ARID2: variants seen among roughly 807,000 people sequenced by gnomAD.
ARID2 encodes the protein AT-rich interactive domain-containing protein 2.
ARID2 carries 32 observed loss-of-function variants against 184.6 expected under a neutral mutation model. That is an observed-to-expected ratio of 0.17 (90% CI 0.13 to 0.23). The LOEUF (loss-of-function observed/expected upper bound fraction) is 0.23, where lower values mean the gene tolerates loss of function less well. Ranked by LOEUF, ARID2 falls within the 10% of genes least tolerant of loss-of-function variation. The pLI, the probability that ARID2 is intolerant of heterozygous loss-of-function variation, is 1.00. For synonymous variants in ARID2, 836 were observed against 772.6 expected, an observed-to-expected ratio of 1.08 and a Z score of -1.36; for missense variants, 1,696 against 2,197.6, an observed-to-expected ratio of 0.77 and a Z score of 4.56.
intron 3 of ARID2, among the ~76,000 whole-genome samples, chr12:45,776,974 T>G (rs1941996161): frequency 6.6e-6 from 1 of 150,774 alleles, no homozygotes. Context: ...TTTTTTAAAG[T>G]AGAGATGGGG....
chr12:45,885,419 A>C (rs74810525), intron 16 of ARID2, among the ~76,000 whole-genome samples: 1 of 143,260 alleles, frequency 7.0e-6, no homozygotes, highest in African/African-American at 2.6e-5. Flanking sequence ...ATATTCCTGC[A>C]AAAAAAAAAA....
At chr12:45,732,496 G>A (rs1000354890) in intron 3 of ARID2, among the ~76,000 whole-genome samples, 1 of 152,190 alleles carries the variant, frequency 6.6e-6, no homozygotes, top group Non-Finnish European at 1.5e-5. Flanking sequence ...TCTATTGTGT[G>A]TGTGTGATGG....
intron 6 of ARID2, among the ~76,000 whole-genome samples, chr12:45,825,870 GA>G (rs370951452): frequency 8.9e-5 from 13 of 145,958 alleles, no homozygotes; most frequent in Admixed American, 2.1e-4. Flanking sequence ...TCTTTAAGGG[GA>G]AAAAAAAAAG....
chr12:45,788,227 T>C (rs1385640532), intron 3 of ARID2, among the ~76,000 whole-genome samples: 2 of 152,210 alleles, frequency 1.3e-5, no homozygotes, highest in Non-Finnish European at 2.9e-5. Context: ...ATGCTATTTT[T>C]ATTCATATTA....
chr12:45,755,023 G>A (rs1291102132), intron 3 of ARID2, among the ~76,000 whole-genome samples: 1 of 152,206 alleles, frequency 6.6e-6, no homozygotes, highest in East Asian at 1.9e-4. Flanking sequence ...TTAGATATGA[G>A]GAAAATGGAA....
At chr12:45,768,834 T>C (rs1592064519) in intron 3 of ARID2, among the ~76,000 whole-genome samples, 1 of 151,952 alleles carries the variant, frequency 6.6e-6, no homozygotes, top group East Asian at 1.9e-4. Context: ...CAGCACATTG[T>C]TGAAAACAAT....
chr12:45,765,730 A>G (rs1182272374), intron 3 of ARID2, among the ~76,000 whole-genome samples: 3 of 152,152 alleles, frequency 2.0e-5, no homozygotes, highest in African/African-American at 7.2e-5. Flanking sequence ...AAAGTATACA[A>G]TTTGGTAGGT....
Position 45,849,600 on chromosome 12 carries a change from C to T in ARID2, c.1736C>T (p.Thr579Ile), listed in dbSNP as rs975585771. 1.2e-5 allele frequency: 19 copies of T among 1,611,806 alleles called. No homozygotes were observed. The highest frequency in any genetic ancestry group is 1.4e-5 in the Non-Finnish European group (17 of 1,178,854). ...TACAGAACGGTCTTTCCAAATCATACAGTGAAGAGAGTGGAGGATTCCAGT... is the reference window on the plus strand; with the variant it reads ...TACAGAACGGTCTTTCCAAATCATATAGTGAAGAGAGTGGAGGATTCCAGT... ...KCLRTVFPNH[T>I]VKRVEDSSSN... Residue 579 changes from threonine to isoleucine, a missense_variant, in exon 14 of 21, where the codon ACA (threonine) becomes ATA (isoleucine). Transcript: ENST00000334344.
chr12:45,897,790 ATTTAC>A (rs1309289653), intron 20 of ARID2, among the ~76,000 whole-genome samples: 3 of 152,150 alleles, frequency 2.0e-5, no homozygotes, highest in Non-Finnish European at 2.9e-5. Flanking sequence ...GGAAAAAACA[ATTTAC>A]TTATAGTAAA....
intron 3 of ARID2, among the ~76,000 whole-genome samples, chr12:45,784,887 T>C (rs974301720): frequency 1.3e-5 from 2 of 152,236 alleles, no homozygotes; most frequent in African/African-American, 4.8e-5. Context: ...CAGTTGTTAT[T>C]ATCCATAATG....
chr12:45,817,614 T>C, intron 4 of ARID2, 56 bp from the exon 5 acceptor site: 1 of 1,151,298 alleles, frequency 8.7e-7, no homozygotes, highest in Non-Finnish European at 1.2e-6. Context: ...CAAGGGATAT[T>C]CACCATAAAG....
chr12:45,734,502 T>G (rs1343582280), intron 3 of ARID2, among the ~76,000 whole-genome samples: 1 of 152,194 alleles, frequency 6.6e-6, no homozygotes, highest in Non-Finnish European at 1.5e-5. Context: ...ATGTTTATTA[T>G]TAGGATATTC....
rs1433103583 is a variant in ARID2 at position 45,821,430 on chromosome 12, CT to C, written c.652del (p.Ser218ProfsTer74). 4.0e-6 allele frequency: 6 copies of C among 1,517,150 alleles called. No individual in the cohort carries two copies. Among genetic ancestry groups the C allele is most frequent in the South Asian group, 2.8e-5 (2 of 72,528 alleles). 94.0% of individuals were successfully genotyped at this position (1,517,150 alleles called of 1,614,324 possible). On this transcript the variant is annotated frameshift_variant, in exon 6 of 21. Transcript: ENST00000334344. LOFTEE classifies it high-confidence loss of function. ...AGVFDDTLGSFSTVFGEEWKE... is the reference protein window; with the variant it reads ...AGVFDDTLGSXSTVFGEEWKE... ...TTATTTGTTTTTTAGCTTTAGGATC[CT>C]TTTCCACTGTATTTGGAGAAGAATG...
At chr12:45,741,641 C>T (rs1233802547) in intron 3 of ARID2, among the ~76,000 whole-genome samples, 1 of 152,168 alleles carries the variant, frequency 6.6e-6, no homozygotes, top group Non-Finnish European at 1.5e-5. Context: ...CCCTTTTAAG[C>T]TGGCTCCTTT....
chr12:45,808,262 CTTTTTAG>C (rs2138077584), intron 3 of ARID2, among the ~76,000 whole-genome samples: 2 of 152,268 alleles, frequency 1.3e-5, no homozygotes, highest in South Asian at 4.1e-4. Context: ...TTTGTTAATA[CTTTTTAG>C]TTTTTAGAAG....
chr12:45,903,853 A>T (rs1944488389), intron 20 of ARID2, among the ~76,000 whole-genome samples: 1 of 151,060 alleles, frequency 6.6e-6, no homozygotes, highest in African/African-American at 2.4e-5. Context: ...GCTGGCTGAT[A>T]TTTTTTTTTA....
intron 3 of ARID2, among the ~76,000 whole-genome samples, chr12:45,758,112 T>C (rs1433891667): frequency 6.6e-6 from 1 of 152,206 alleles, no homozygotes; most frequent in Non-Finnish European, 1.5e-5. Context: ...GCAGGATGCT[T>C]ACAGTTTCTC....
At chr12:45,793,763 T>TTA (rs1243890298) in intron 3 of ARID2, among the ~76,000 whole-genome samples, 3 of 151,834 alleles carry the variant, frequency 2.0e-5, no homozygotes, top group Non-Finnish European at 1.5e-5. Context: ...TTTCTTGGCT[T>TTA]TTTATTACAT....
intron 15 of ARID2, among the ~76,000 whole-genome samples, chr12:45,853,968 T>G (rs950024337): frequency 4.6e-5 from 7 of 152,074 alleles, no homozygotes; most frequent in Non-Finnish European, 8.8e-5. Flanking sequence ...GAGCGGCAGG[T>G]GAGCGAGTGA....
Sources: allele counts gnomAD v4.1 joint callset (sites outside exome capture counted in the v4.1 genomes callset), GRCh38; gene constraint gnomAD v4.1.1; transcripts MANE v1.5; gene names NCBI Gene and HGNC (gene_info 2026-07-23, HGNC 2026-07-21).